The following ARID5B variants were observed in gnomAD, a reference collection of about 807,000 sequenced individuals.
ARID5B encodes AT-rich interactive domain-containing protein 5B.
In ARID5B, 13 loss-of-function variants were observed where a neutral mutation model predicts 97.2. The observed-to-expected ratio is 0.13, with a 90% CI of 0.09 to 0.21. The LOEUF (loss-of-function observed/expected upper bound fraction) is 0.21. Ranked by LOEUF, ARID5B falls within the 10% of genes least tolerant of loss-of-function variation. ARID5B has a pLI of 1.00. For synonymous variants in ARID5B, 556 were observed against 570.3 expected, an observed-to-expected ratio of 0.97 and a Z score of 0.36; for missense variants, 1,210 against 1,465.3, an observed-to-expected ratio of 0.83 and a Z score of 2.84.
Position 62,093,968 on chromosome 10 carries a change from C to T in ARID5B, c.*938C>T, listed in dbSNP as rs547289183. ...TGAAAGAGCTTATACACTGCTTACC[C>T]AGCCAAATGCTTTGCTTTGAAGTAT... On this transcript the variant is annotated 3_prime_UTR_variant, in exon 10 of 10. Coordinates refer to ENST00000279873, the MANE Select transcript of ARID5B (RefSeq NM_032199.3). 4.3e-6 allele frequency: 1 copy of T among 233,654 alleles called. No individual in the cohort carries two copies. Among genetic ancestry groups the T allele is most frequent in the South Asian group, 1.8e-4 (1 of 5,524 alleles). 14.5% of individuals were successfully genotyped at this position (233,654 alleles called of 1,614,324 possible). A position where few individuals can be genotyped will look rare whatever the true frequency, so the allele number is the denominator to read the frequency against.
At chr10:61,902,857 AAAGT>A (rs1489150474) in intron 2 of ARID5B, among the ~76,000 whole-genome samples, 5 of 151,890 alleles carry the variant, frequency 3.3e-5, no homozygotes, top group Non-Finnish European at 7.4e-5. Flanking sequence ...TTCTTTTTTC[AAAGT>A]AAGTATTTGA....
chr10:61,940,304 C>A lies in ARID5B; in HGVS notation c.398C>A (p.Ala133Asp). 1 of 1,614,146 alleles carries A rather than the reference C, an allele frequency of 6.2e-7. No individual in the cohort carries two copies. Among genetic ancestry groups the A allele is most frequent in the South Asian group, 1.1e-5 (1 of 91,080 alleles). ...CACGCTGGACCAGTGAAAACTGAGGCCTTGGGAAGGAATGGACAGAAGGAA... is the reference window on the plus strand; with the variant it reads ...CACGCTGGACCAGTGAAAACTGAGGACTTGGGAAGGAATGGACAGAAGGAA... ...GFHAGPVKTE[A>D]LGRNGQKEAL... is the part of the protein sequence containing the mutation. The change falls in exon 3 of 10, where the codon GCC becomes GAC. Residue 133 changes from alanine (A) to aspartate (D), a missense_variant. By Grantham distance (126) the Ala-to-Asp change is moderately radical. Transcript: ENST00000279873.
At chr10:62,065,541 T>G (rs1436895094) in intron 7 of ARID5B, among the ~76,000 whole-genome samples, 2 of 152,116 alleles carry the variant, frequency 1.3e-5, no homozygotes, top group Non-Finnish European at 2.9e-5. Context: ...ATTTGGCTAT[T>G]TTCTTTAGGA....
intron 7 of ARID5B, among the ~76,000 whole-genome samples, chr10:62,067,177 C>CT (rs1840003761): frequency 6.6e-6 from 1 of 152,006 alleles, no homozygotes; most frequent in Non-Finnish European, 1.5e-5. Context: ...CCTCTGCCTC[C>CT]CGGTTCAAGC....
chr10:62,049,124 C>T, intron 4 of ARID5B: 1 of 1,145,076 alleles, frequency 8.7e-7, no homozygotes, highest in Non-Finnish European at 1.1e-6. Context: ...AACGTGGCAT[C>T]GTGCTCTGAC....
intron 4 of ARID5B, chr10:62,046,596 A>G (rs1839711414): frequency 6.6e-6 from 1 of 152,252 alleles, no homozygotes; most frequent in South Asian, 2.1e-4. Context: ...ATTAACACCT[A>G]TAGAAATAGC....
intron 2 of ARID5B, among the ~76,000 whole-genome samples, chr10:61,904,066 C>A (rs1284445571): frequency 7.5e-6 from 1 of 132,780 alleles, no homozygotes; most frequent in Non-Finnish European, 1.6e-5. Flanking sequence ...CCCGACCCAA[C>A]TTTCCTGCGC....
At chr10:61,930,545 T>C (rs1844187449) in intron 2 of ARID5B, among the ~76,000 whole-genome samples, 1 of 151,280 alleles carries the variant, frequency 6.6e-6, no homozygotes, top group Admixed American at 6.6e-5. Context: ...ACGGTGAAAC[T>C]CCGTCTCTAC....
intron 9 of ARID5B, among the ~76,000 whole-genome samples, chr10:62,087,298 C>CAAAAA (rs71299289): frequency 0.096 from 3,920 of 40,906 alleles, 787 homozygotes; most frequent in Middle Eastern, 0.23. Flanking sequence ...GACTCTATCT[C>CAAAAA]AAAAAAAAAA....
At chr10:61,922,295 A>G (rs1844029606) in intron 2 of ARID5B, among the ~76,000 whole-genome samples, 1 of 151,856 alleles carries the variant, frequency 6.6e-6, no homozygotes, top group Non-Finnish European at 1.5e-5. Flanking sequence ...CAGGCTCCTT[A>G]ATGCATAAGA....
At chr10:62,022,838 T>C (rs1839373074) in intron 4 of ARID5B, among the ~76,000 whole-genome samples, 1 of 152,158 alleles carries the variant, frequency 6.6e-6, no homozygotes, top group African/African-American at 2.4e-5. Context: ...AAAAAAAATC[T>C]CCTCATTGTG....
In ARID5B at chr10:62,093,188, G is replaced by A; in HGVS notation, c.*158G>A. 2 of 1,139,404 alleles carry A rather than the reference G, an allele frequency of 1.8e-6. No individual in the cohort carries two copies. Among genetic ancestry groups the A allele is most frequent in the Non-Finnish European group, 2.4e-6 (2 of 832,728 alleles). 70.6% of individuals were successfully genotyped at this position (1,139,404 alleles called of 1,614,324 possible). On this transcript the variant is annotated 3_prime_UTR_variant, in exon 10 of 10. Coordinates refer to ENST00000279873, the MANE Select transcript of ARID5B (RefSeq NM_032199.3). ...GCCCAGAGGGGAGGTGAACATGCCT[G>A]ATTTTTGTGGGACAACTCTAGCCCA...
chr10:62,095,223 C>G lies in ARID5B; in HGVS notation c.*2193C>G. On this transcript the variant is annotated 3_prime_UTR_variant, in exon 10 of 10. Coordinates refer to ENST00000279873, the MANE Select transcript of ARID5B (RefSeq NM_032199.3). ...GAGGGGGGAAAAATCTCAATTCCAG[C>G]TGGCAAGATGCTAGCCAGGACACAT... 4.3e-6 allele frequency: 1 copy of G among 233,404 alleles called. No individual in the cohort carries two copies. Among genetic ancestry groups the G allele is most frequent in the Non-Finnish European group, 8.5e-6 (1 of 117,948 alleles). 14.5% of individuals were successfully genotyped at this position (233,404 alleles called of 1,614,324 possible).
intron 4 of ARID5B, among the ~76,000 whole-genome samples, chr10:62,022,985 A>G (rs1350162890): frequency 6.6e-6 from 1 of 152,208 alleles, no homozygotes; most frequent in Non-Finnish European, 1.5e-5. Context: ...TCTTTAGTCA[A>G]TGCTGGAAAC....
intron 3 of ARID5B, among the ~76,000 whole-genome samples, chr10:61,992,673 A>G (rs549206151): frequency 6.6e-6 from 1 of 152,310 alleles, no homozygotes; most frequent in South Asian, 2.1e-4. Context: ...CCATTTAGCA[A>G]AACAAATGGC....
chr10:62,090,638 A>T (rs563823362), intron 9 of ARID5B, among the ~76,000 whole-genome samples: 4 of 152,356 alleles, frequency 2.6e-5, no homozygotes, highest in African/African-American at 7.2e-5. Flanking sequence ...TAGGTATCTC[A>T]TAAGGGACTG....
rs111929893 is a variant in ARID5B at position 62,065,231 on chromosome 10, C to T, written c.1102-4469C>T. 1.1e-3 allele frequency among the ~76,000 whole-genome samples: 160 copies of T among 152,280 alleles called. 2 individuals carry two copies. The highest frequency in any genetic ancestry group is 3.3e-3 in the African/African-American group (139 of 41,556). The stretch of plus-strand genomic sequence containing the variant: ...AAAGTGAGATTAAATCTCACATGCA[C>T]CTAGATTGGTTTGTTTTACCTGGGT... On this transcript the variant is annotated intron_variant, in intron 7 of 9. Coordinates refer to ENST00000279873, the MANE Select transcript of ARID5B (RefSeq NM_032199.3).
At chr10:62,054,026 A>G (rs1168478058) in intron 5 of ARID5B, among the ~76,000 whole-genome samples, 1 of 152,196 alleles carries the variant, frequency 6.6e-6, no homozygotes, top group African/African-American at 2.4e-5. Context: ...TTATAACTCA[A>G]TCCCGTGGAA....
At chr10:62,079,725 T>C (rs2132968565) in intron 8 of ARID5B, among the ~76,000 whole-genome samples, 1 of 152,286 alleles carries the variant, frequency 6.6e-6, no homozygotes, top group East Asian at 1.9e-4. Flanking sequence ...GAGGGAGGTA[T>C]CAGAATTATC....
Sources: gnomAD v4.1 joint callset for allele counts (sites outside exome capture counted in the v4.1 genomes callset) on GRCh38, gnomAD v4.1.1 for gene constraint, MANE v1.5 for transcripts, NCBI Gene and HGNC (gene_info 2026-07-23, HGNC 2026-07-21) for gene names.